The following RTKN2 variants were observed in gnomAD, a reference collection of about 807,000 sequenced individuals.
The protein encoded by RTKN2 is rhotekin 2.
RTKN2 carries 69 observed loss-of-function variants against 71.5 expected under a neutral mutation model. The observed-to-expected ratio is 0.96, with a 90% CI of 0.79 to 1.18. The LOEUF is 1.18. Ranked by LOEUF, RTKN2 falls within the 50% of genes most tolerant of loss-of-function variation. RTKN2 has a pLI of 0.00. For missense variants in RTKN2, 724 were observed against 719.7 expected, an observed-to-expected ratio of 1.01 and a Z score of -0.07; for synonymous variants, 236 against 236.5, an observed-to-expected ratio of 1.00 and a Z score of 0.02.
At chr10:62,230,194 G>A (rs1842119058) in intron 6 of RTKN2, among the ~76,000 whole-genome samples, 1 of 151,608 alleles carries the variant, frequency 6.6e-6, no homozygotes, top group South Asian at 2.1e-4. Flanking sequence ...ATTTTGAGAC[G>A]GAGTCTCTCT....
At position 62,204,944 on chromosome 10, in the gene RTKN2, G is replaced by A. The variant is rs151060040; in HGVS notation, c.1099C>T (p.Gln367Ter). ...ACTGCAAAAATCTGAGTTATAGCTT[G>A]TCCAGGAACAGGATTGATGACAGAG... ...NFSVINPVPG[Q>*]AITQIFAVDN... Residue 367 changes from glutamine (Q) to a stop codon, truncating the protein, a stop_gained, in exon 10 of 12, where the codon CAA (glutamine) becomes TAA (stop). Transcript: ENST00000373789. LOFTEE classifies it high-confidence loss of function. 1 of 1,604,902 alleles carries A rather than the reference G, an allele frequency of 6.2e-7. No homozygotes were observed. Among genetic ancestry groups the A allele is most frequent in the East Asian group, 2.3e-5 (1 of 44,238 alleles).
chr10:62,212,378 T>A (rs1462139095), intron 9 of RTKN2, among the ~76,000 whole-genome samples: 1 of 148,786 alleles, frequency 6.7e-6, no homozygotes, highest in African/African-American at 2.5e-5. Flanking sequence ...CAAAAATAAA[T>A]AAATAAATAA....
At chr10:62,190,033 T>G (rs1442701170), downstream of RTKN2, among the ~76,000 whole-genome samples, 7 of 152,160 alleles carry the variant, frequency 4.6e-5, no homozygotes, top group African/African-American at 1.7e-4. Context: ...TTTTAGTGCT[T>G]TCTGCAGCCT....
intron 8 of RTKN2, among the ~76,000 whole-genome samples, chr10:62,186,904 A>G (rs1269335093): frequency 6.6e-6 from 1 of 152,216 alleles, no homozygotes; most frequent in Non-Finnish European, 1.5e-5. Flanking sequence ...TTTTATTAAT[A>G]GTACAAGTTA....
chr10:62,241,219 G>A, intron 3 of RTKN2, 24 bp from the exon 4 acceptor site: 3 of 1,468,036 alleles, frequency 2.0e-6, no homozygotes, highest in Non-Finnish European at 2.8e-6. Context: ...AAAAAGAAAT[G>A]ACAAGTAATA....
Position 62,205,635 on chromosome 10 carries a change from A to G in RTKN2, c.1021-613T>C, listed in dbSNP as rs1173845977. Among the ~76,000 whole-genome samples the G allele has an allele frequency of 2.6e-5, 4 of 152,318 alleles. No individual in the cohort carries two copies. In the East Asian group the frequency reaches 7.7e-4, roughly 29 times the overall value. ...AATAATATAATCTTTAAAATGTTTA[A>G]ATTATTTTTAAAGTGCTAAGTACAA... On this transcript the variant is annotated intron_variant, in intron 9 of 11. Coordinates refer to ENST00000373789, the MANE Select transcript of RTKN2 (RefSeq NM_145307.4).
intron 2 of RTKN2, among the ~76,000 whole-genome samples, chr10:62,247,429 A>G (rs1241655346): frequency 1.3e-5 from 2 of 151,994 alleles, no homozygotes; most frequent in Non-Finnish European, 2.9e-5. Context: ...TATGACTAAA[A>G]TAATGCAGTA....
intron 2 of RTKN2, among the ~76,000 whole-genome samples, chr10:62,261,180 T>C (rs1311028484): frequency 6.6e-6 from 1 of 152,248 alleles, no homozygotes; most frequent in African/African-American, 2.4e-5. Context: ...ATGGAACAAT[T>C]TCATTGTATA....
intron 1 of RTKN2, among the ~76,000 whole-genome samples, chr10:62,265,942 G>C (rs116481883): frequency 0.017 from 2,527 of 152,266 alleles, 67 homozygotes; most frequent in African/African-American, 0.057. Flanking sequence ...GTAGAGTCAA[G>C]GCTGATTAGG....
chr10:62,250,674 G>A (rs1334871542), intron 2 of RTKN2, among the ~76,000 whole-genome samples: 2 of 152,144 alleles, frequency 1.3e-5, no homozygotes, highest in Non-Finnish European at 2.9e-5. Flanking sequence ...CTGTTGCCCA[G>A]GCTGAAGTGC....
rs1428756725 is a variant in RTKN2 at position 62,187,107 on chromosome 10, T to C, written c.862-2720A>G. Among the ~76,000 whole-genome samples the C allele has an allele frequency of 5.9e-5, 9 of 152,304 alleles. No individual in the cohort carries two copies. The East Asian group carries it at 1.5e-3, about 26-fold the overall frequency. ...TCTCCAAATTATTCCAAAGTTTTACTAAACTTAATTTCTTGGGCTGCTTTG... is the reference window on the plus strand; with the variant it reads ...TCTCCAAATTATTCCAAAGTTTTACCAAACTTAATTTCTTGGGCTGCTTTG... On this transcript the variant is annotated intron_variant, in intron 8 of 8. Coordinates refer to the RTKN2 transcript ENST00000315289.
downstream of RTKN2, among the ~76,000 whole-genome samples, chr10:62,191,281 C>A (rs537359879): frequency 6.6e-6 from 1 of 152,156 alleles, no homozygotes; most frequent in Non-Finnish European, 1.5e-5. Flanking sequence ...GGACTGCAGG[C>A]ATGTGCCACC....
At chr10:62,224,751 A>C (rs952776042) in intron 6 of RTKN2, among the ~76,000 whole-genome samples, 1 of 152,044 alleles carries the variant, frequency 6.6e-6, no homozygotes. Flanking sequence ...CCAGTCATAA[A>C]AGAATCTAGC....
In RTKN2 at chr10:62,239,579, T is replaced by C. The variant is rs554446079; in HGVS notation, c.488+69A>G. ...TAAAATGAATCCAAAGAACCAATAA[T>C]AAGAACTTTCTTTTAAAAAAGAAGA... On this transcript the variant is annotated intron_variant, in intron 5 of 11. Transcript: ENST00000373789. 441 of 677,514 alleles carry C rather than the reference T, an allele frequency of 6.5e-4. 5 individuals are homozygous for C. The highest frequency in any genetic ancestry group is 5.8e-4 in the Admixed American group (18 of 31,204). The allele number at this position is 677,514 out of a possible 1,614,324, so 42.0% of individuals were successfully genotyped here.
chr10:62,238,657 G>C (rs559919434), intron 5 of RTKN2: 3 of 151,990 alleles, frequency 2.0e-5, no homozygotes, highest in Non-Finnish European at 2.9e-5. Context: ...GTTCAATACA[G>C]CTTGTAAGAA....
downstream of RTKN2, among the ~76,000 whole-genome samples, chr10:62,190,249 T>C (rs1841199615): frequency 6.6e-6 from 1 of 152,166 alleles, no homozygotes; most frequent in East Asian, 1.9e-4. Flanking sequence ...TTGGTCTCAA[T>C]GCTTTTTTGC....
Position 62,232,315 on chromosome 10 carries a change from CTT to C in RTKN2, c.686+3749_686+3750del, listed in dbSNP as rs56139482. On this transcript the variant is annotated intron_variant, in intron 6 of 11. Transcript: ENST00000373789. ...TAGATTAAATATAATTTCTTTCTTTCTTTTTTTTTTTTTTTTTGAGACAGGGT... is the reference window on the plus strand; with the variant it reads ...TAGATTAAATATAATTTCTTTCTTTCTTTTTTTTTTTTTTTGAGACAGGGT... Among the ~76,000 whole-genome samples, 800 of 117,152 alleles carry C rather than the reference CTT, an allele frequency of 6.8e-3. 2 individuals are homozygous for C. Among genetic ancestry groups the C allele is most frequent in the African/African-American group, 0.012 (402 of 33,160 alleles). 76.9% of individuals were successfully genotyped at this position (117,152 alleles called of 152,430 possible).
chr10:62,220,856 T>A (rs1482914120), intron 7 of RTKN2, among the ~76,000 whole-genome samples: 5 of 151,914 alleles, frequency 3.3e-5, no homozygotes, highest in Admixed American at 1.3e-4. Context: ...TATAGTAAAA[T>A]AATAAAAGCC....
chr10:62,203,576 T>A (rs1452181014), intron 10 of RTKN2, among the ~76,000 whole-genome samples: 1 of 152,122 alleles, frequency 6.6e-6, no homozygotes, highest in Non-Finnish European at 1.5e-5. Flanking sequence ...AACTCCTGAC[T>A]TCAGGTGATC....
Sources: allele counts gnomAD v4.1 joint callset (sites outside exome capture counted in the v4.1 genomes callset), GRCh38; gene constraint gnomAD v4.1.1; transcripts MANE v1.5; gene names NCBI Gene and HGNC (gene_info 2026-07-23, HGNC 2026-07-21).